The following INTS9 variants were observed in gnomAD, a reference collection of about 807,000 sequenced individuals.
INTS9 encodes the protein integrator complex subunit 9, also known as protein related to CPSF subunits of 74 kDa.
A neutral mutation model predicts 79.7 loss-of-function variants in INTS9; 55 were observed. The ratio of observed to expected loss-of-function variants is 0.69; its 90% CI spans 0.56 to 0.86. The LOEUF (loss-of-function observed/expected upper bound fraction) is 0.86, where lower values mean the gene tolerates loss of function less well. Among genes scored for constraint, INTS9 ranks in the 40% least tolerant of loss-of-function variants. INTS9 has a pLI of 0.00. For synonymous variants in INTS9, 319 were observed against 325.2 expected (o/e 0.98, Z 0.20); for missense variants, 721 against 831.5 (o/e 0.87, Z 1.64).
At chr8:28,818,937 C>T (rs1198174339) in intron 6 of INTS9, among the ~76,000 whole-genome samples, 6 of 152,078 alleles carry the variant, frequency 3.9e-5, no homozygotes, top group South Asian at 2.1e-4. Context: ...AGTTTATTTG[C>T]GTAGAGGTTT....
At chr8:28,856,338 C>G (rs1242024966) in intron 2 of INTS9, among the ~76,000 whole-genome samples, 1 of 152,168 alleles carries the variant, frequency 6.6e-6, no homozygotes, top group Non-Finnish European at 1.5e-5. Context: ...GAAGAAAACC[C>G]TATCTGGAAG....
intron 1 of INTS9, among the ~76,000 whole-genome samples, chr8:28,878,400 C>A (rs1397653696): frequency 6.6e-6 from 1 of 151,778 alleles, no homozygotes; most frequent in East Asian, 1.9e-4. Context: ...GTAGCCTCGA[C>A]CTCCTGGGCT....
chr8:28,871,334 A>C (rs1809082961), intron 1 of INTS9, among the ~76,000 whole-genome samples: 1 of 152,198 alleles, frequency 6.6e-6, no homozygotes. Flanking sequence ...CTTCTTTGAA[A>C]ATCTTTATTA....
At chr8:28,818,441 T>C (rs955769708) in intron 6 of INTS9, among the ~76,000 whole-genome samples, 1 of 151,992 alleles carries the variant, frequency 6.6e-6, no homozygotes, top group Non-Finnish European at 1.5e-5. Flanking sequence ...TCTGTTTATA[T>C]GCTGGATTAC....
At chr8:28,879,465 T>G (rs1207497133) in intron 1 of INTS9, among the ~76,000 whole-genome samples, 1 of 152,184 alleles carries the variant, frequency 6.6e-6, no homozygotes, top group Non-Finnish European at 1.5e-5. Flanking sequence ...ACATCATATT[T>G]AGGAGTGAAC....
intron 1 of INTS9, among the ~76,000 whole-genome samples, chr8:28,864,775 G>A (rs551179690): frequency 2.4e-4 from 36 of 152,174 alleles, no homozygotes; most frequent in African/African-American, 8.0e-4. Flanking sequence ...GGCCAGATGC[G>A]GTGGCTCACG....
intron 6 of INTS9, among the ~76,000 whole-genome samples, chr8:28,821,632 A>T (rs1805835853): frequency 1.3e-5 from 2 of 152,144 alleles, no homozygotes; most frequent in Non-Finnish European, 2.9e-5. Context: ...GGGGGCTGTG[A>T]TTGGACTGGA....
chr8:28,862,838 AGAGGCAGTTT>A (rs1808531951), intron 1 of INTS9, among the ~76,000 whole-genome samples: 3 of 152,184 alleles, frequency 2.0e-5, no homozygotes, highest in South Asian at 4.1e-4. Context: ...TTTAGTTCTG[AGAGGCAGTTT>A]GGTGCAATGA....
chr8:28,878,375 C>A (rs1006718649), intron 1 of INTS9, among the ~76,000 whole-genome samples: 1 of 151,594 alleles, frequency 6.6e-6, no homozygotes, highest in Non-Finnish European at 1.5e-5. Flanking sequence ...TGCAGTGGAG[C>A]GATCATGGTT....
intron 1 of INTS9, among the ~76,000 whole-genome samples, chr8:28,883,936 T>A (rs1563321258): frequency 6.6e-6 from 1 of 152,120 alleles, no homozygotes; most frequent in Non-Finnish European, 1.5e-5. Context: ...TGGGCCCTTG[T>A]GAACTGTTAA....
chr8:28,868,796 T>G (rs1808902858), intron 1 of INTS9, among the ~76,000 whole-genome samples: 1 of 152,196 alleles, frequency 6.6e-6, no homozygotes, highest in Non-Finnish European at 1.5e-5. Flanking sequence ...TTTGTGACAT[T>G]GTGCTCTTTA....
At position 28,850,235 on chromosome 8, in the gene INTS9, T is replaced by A; in HGVS notation, c.176A>T (p.Asp59Val). 2 of 1,613,748 alleles carry A rather than the reference T, an allele frequency of 1.2e-6. No homozygotes were observed. The highest frequency in any genetic ancestry group is 1.7e-6 in the Non-Finnish European group (2 of 1,179,734). ...TACCTTGTCCAAGAAAGCATTTCCATCCTTCAGGGACCAGCCAGGAAGATT... is the reference window on the plus strand; with the variant it reads ...TACCTTGTCCAAGAAAGCATTTCCAACCTTCAGGGACCAGCCAGGAAGATT... Reference protein sequence around the residue: ...LSNLPGWSLKDGNAFLDKELK... With the variant: ...LSNLPGWSLKVGNAFLDKELK... The change falls in exon 3 of 17, where the codon GAT (aspartate) becomes GTT (valine). Residue 59 changes from aspartate (D) to valine (V), a missense_variant. Around this residue, in one of 3 missense-constraint regions of INTS9, gnomAD observed 291 missense variants for 307.0 expected, o/e 0.95. Coordinates refer to ENST00000521022, the MANE Select transcript of INTS9 (RefSeq NM_018250.4).
chr8:28,854,593 G>A (rs1020044889), intron 2 of INTS9, among the ~76,000 whole-genome samples: 2 of 152,158 alleles, frequency 1.3e-5, no homozygotes, highest in African/African-American at 2.4e-5. Flanking sequence ...CTTTATTCGC[G>A]TGTCACTTTA....
At chr8:28,785,296 T>C (rs192673058) in intron 11 of INTS9, among the ~76,000 whole-genome samples, 30 of 152,368 alleles carry the variant, frequency 2.0e-4, no homozygotes, top group Admixed American at 5.9e-4. Context: ...TAGTTCTTCA[T>C]AACATTTTCA....
chr8:28,781,134 A>ATACCTC, intron 11 of INTS9, 140 bp from the exon 12 acceptor site: 1 of 647,604 alleles, frequency 1.5e-6, no homozygotes, highest in Non-Finnish European at 2.6e-6. Context: ...AATACCTGCA[A>ATACCTC]AAGTCACACC....
chr8:28,884,387 G>A lies in INTS9; in HGVS notation c.9+5487C>T, dbSNP rs1020155799. Among the ~76,000 whole-genome samples the A allele has an allele frequency of 4.6e-5, 7 of 151,702 alleles. 1 individual carries two copies. Among genetic ancestry groups the A allele is most frequent in the Admixed American group, 2.0e-4 (3 of 15,230 alleles). ...TTTTGTACAGACAGGGTCTCACTAT[G>A]TTGCCCAGGCTGGTCTGGAACACCT... is the stretch of plus-strand genomic sequence containing the variant. On this transcript the variant is annotated intron_variant, in intron 1 of 16. Transcript: ENST00000521022.
chr8:28,888,755 T>G (rs1810335778), intron 1 of INTS9, among the ~76,000 whole-genome samples: 1 of 152,188 alleles, frequency 6.6e-6, no homozygotes, highest in African/African-American at 2.4e-5. Flanking sequence ...ATTTCGGAAT[T>G]GAATCCACTT....
At chr8:28,885,787 A>G (rs1036395638) in intron 1 of INTS9, among the ~76,000 whole-genome samples, 1 of 152,222 alleles carries the variant, frequency 6.6e-6, no homozygotes, top group Non-Finnish European at 1.5e-5. Flanking sequence ...ACTGGCCATC[A>G]GCGTACTCAG....
intron 1 of INTS9, among the ~76,000 whole-genome samples, chr8:28,862,962 A>C (rs1045140324): frequency 2.0e-5 from 3 of 152,350 alleles, no homozygotes; most frequent in South Asian, 2.1e-4. Context: ...TGGACTGTTA[A>C]GGTGCAGTAA....
Sources: gnomAD v4.1 joint callset for allele counts (sites outside exome capture counted in the v4.1 genomes callset) on GRCh38, gnomAD v4.1.1 for gene constraint, gnomAD v4.1.1 regional missense constraint, MANE v1.5 for transcripts, NCBI Gene and HGNC (gene_info 2026-07-23, HGNC 2026-07-21) for gene names.